Variants in ADAMTS6 observed in about 807,000 individuals in gnomAD.
ADAMTS6 encodes A disintegrin and metalloproteinase with thrombospondin motifs 6.
ADAMTS6 carries 23 observed loss-of-function variants against 144.3 expected under a neutral mutation model. The observed-to-expected ratio is 0.16, with a 90% CI of 0.11 to 0.23. The LOEUF is 0.23. Among genes scored for constraint, ADAMTS6 ranks in the 10% least tolerant of loss-of-function variants. The probability of loss-of-function intolerance (pLI) is 1.00; values close to 1 mark genes in which losing one functional copy is unlikely to be tolerated. For synonymous variants in ADAMTS6, 444 were observed against 457.5 expected (o/e 0.97, Z 0.38); for missense variants, 999 against 1,379.6 (o/e 0.72, Z 4.37).
intron 9 of ADAMTS6, among the ~76,000 whole-genome samples, chr5:65,324,048 T>A (rs1745925782): frequency 6.6e-6 from 1 of 152,118 alleles, no homozygotes; most frequent in South Asian, 2.1e-4. Flanking sequence ...GTTGCAAAAA[T>A]TTTCTCCCAT....
At chr5:65,440,253 A>T (rs1757765000) in intron 7 of ADAMTS6, among the ~76,000 whole-genome samples, 1 of 152,218 alleles carries the variant, frequency 6.6e-6, no homozygotes, top group Non-Finnish European at 1.5e-5. Context: ...ATTAATAGGG[A>T]TCAAATTTAT....
chr5:65,209,569 T>C (rs1756352434), intron 20 of ADAMTS6, among the ~76,000 whole-genome samples: 1 of 152,246 alleles, frequency 6.6e-6, no homozygotes, highest in Admixed American at 6.5e-5. Context: ...GATTTGTCAC[T>C]GGATCTGCTA....
chr5:65,296,892 A>G (rs1580326963), intron 10 of ADAMTS6, among the ~76,000 whole-genome samples: 4 of 152,302 alleles, frequency 2.6e-5, no homozygotes, highest in African/African-American at 9.6e-5. Flanking sequence ...CAGAGCCCCC[A>G]TAATTTTTGA....
intron 12 of ADAMTS6, among the ~76,000 whole-genome samples, chr5:65,267,282 C>T (rs927712078): frequency 1.3e-5 from 2 of 152,020 alleles, no homozygotes; most frequent in Non-Finnish European, 2.9e-5. Context: ...TGATTTTGGA[C>T]TATTCTAAAT....
intron 9 of ADAMTS6, among the ~76,000 whole-genome samples, chr5:65,326,978 T>C (rs946206563): frequency 2.0e-5 from 3 of 152,148 alleles, no homozygotes; most frequent in Non-Finnish European, 2.9e-5. Flanking sequence ...CTAAATCTCA[T>C]ATTGAAATGT....
chr5:65,370,689 G>C lies in ADAMTS6; in HGVS notation c.1074-36604C>G, dbSNP rs541048334. On this transcript the variant is annotated intron_variant, in intron 7 of 24. Transcript: ENST00000381055. Reference sequence around the variant, plus strand: ...GAGATCAAACGGCAAAGGGCAGCGAGGCTGGGGGAGGGGCGCCCACCATTG... The same window carrying C: ...GAGATCAAACGGCAAAGGGCAGCGACGCTGGGGGAGGGGCGCCCACCATTG... Among the ~76,000 whole-genome samples, 5 of 152,342 alleles carry C rather than the reference G, an allele frequency of 3.3e-5. No homozygotes were observed. The South Asian group carries it at 1.0e-3, about 32-fold the overall frequency.
At chr5:65,240,338 C>G (rs1403675562) in intron 15 of ADAMTS6, among the ~76,000 whole-genome samples, 2 of 151,732 alleles carry the variant, frequency 1.3e-5, no homozygotes, top group Non-Finnish European at 2.9e-5. Context: ...AGAAGATTTA[C>G]AATAGAATAT....
intron 9 of ADAMTS6, among the ~76,000 whole-genome samples, chr5:65,326,966 C>T (rs947695962): frequency 2.6e-5 from 4 of 152,008 alleles, no homozygotes; most frequent in Admixed American, 2.0e-4. Context: ...TGTTTGTTCC[C>T]TCTAAATCTC....
At chr5:65,445,479 A>G (rs1396743698) in intron 7 of ADAMTS6, among the ~76,000 whole-genome samples, 3 of 152,174 alleles carry the variant, frequency 2.0e-5, no homozygotes, top group Non-Finnish European at 2.9e-5. Flanking sequence ...CTGGGATTAC[A>G]AGCGCGTGCC....
chr5:65,247,029 T>C (rs1193261675), intron 14 of ADAMTS6, among the ~76,000 whole-genome samples: 7 of 152,136 alleles, frequency 4.6e-5, no homozygotes, highest in Non-Finnish European at 8.8e-5. Context: ...GCAGAAACCA[T>C]AACAGAAAGC....
intron 7 of ADAMTS6, among the ~76,000 whole-genome samples, chr5:65,441,556 A>G (rs1470465701): frequency 2.0e-5 from 3 of 152,160 alleles, no homozygotes; most frequent in African/African-American, 7.2e-5. Flanking sequence ...ATTAAACACC[A>G]TGACCACCCA....
chr5:65,291,082 T>G (rs1029939149), intron 11 of ADAMTS6, among the ~76,000 whole-genome samples: 1 of 152,108 alleles, frequency 6.6e-6, no homozygotes, highest in African/African-American at 2.4e-5. Flanking sequence ...AGAAAAAATA[T>G]ATTAAGAATT....
At chr5:65,212,573 C>T (rs951159855) in intron 20 of ADAMTS6, among the ~76,000 whole-genome samples, 2 of 152,178 alleles carry the variant, frequency 1.3e-5, no homozygotes, top group South Asian at 4.2e-4. Flanking sequence ...ATTCAGTTCT[C>T]ATGGCCTTTT....
At chr5:65,417,817 T>G (rs1295970143) in intron 7 of ADAMTS6, among the ~76,000 whole-genome samples, 1 of 152,186 alleles carries the variant, frequency 6.6e-6, no homozygotes, top group Non-Finnish European at 1.5e-5. Flanking sequence ...AATCTATGGA[T>G]TCAATGCTAT....
intron 24 of ADAMTS6, among the ~76,000 whole-genome samples, chr5:65,160,457 C>T (rs529004953): frequency 6.6e-6 from 1 of 151,936 alleles, no homozygotes; most frequent in Admixed American, 6.6e-5. Flanking sequence ...CAGGTGCCCA[C>T]CACCACGCCC....
chr5:65,333,915 T>A, intron 8 of ADAMTS6, 127 bp downstream of exon 8: 1 of 1,063,512 alleles, frequency 9.4e-7, no homozygotes. Flanking sequence ...ATTTCAGATG[T>A]ACAGAAAGGA....
chr5:65,404,613 C>A (rs1437459498), intron 7 of ADAMTS6, among the ~76,000 whole-genome samples: 4 of 152,188 alleles, frequency 2.6e-5, no homozygotes, highest in Admixed American at 1.3e-4. Flanking sequence ...CATACATGTG[C>A]ATGTGTCTTT....
chr5:65,307,468 C>T (rs1250060590), intron 9 of ADAMTS6, among the ~76,000 whole-genome samples: 1 of 152,150 alleles, frequency 6.6e-6, no homozygotes, highest in Non-Finnish European at 1.5e-5. Flanking sequence ...AAATGCAGAC[C>T]TAATCAACAG....
At chr5:65,263,025 A>C in intron 12 of ADAMTS6, 63 bp from the exon 13 acceptor site, 1 of 1,605,100 alleles carries the variant, frequency 6.2e-7, no homozygotes, top group East Asian at 2.2e-5. Context: ...CAGGATAGAA[A>C]TACATAAGGG....
Sources: allele counts gnomAD v4.1 joint callset (sites outside exome capture counted in the v4.1 genomes callset), GRCh38; gene constraint gnomAD v4.1.1; transcripts MANE v1.5; gene names NCBI Gene and HGNC (gene_info 2026-07-23, HGNC 2026-07-21).